Variants in DMD observed in about 807,000 individuals in gnomAD.
DMD encodes the protein dystrophin, also known as mutant dystrophin.
In DMD, 63 loss-of-function variants were observed where a neutral mutation model predicts 330.1. The ratio of observed to expected loss-of-function variants is 0.19; its 90% CI spans 0.16 to 0.24. The LOEUF (loss-of-function observed/expected upper bound fraction) is 0.24. DMD is among the 10% of genes least tolerant of loss of function. The pLI is 1.00. For missense variants in DMD, 3,344 were observed against 2,684.1 expected (o/e 1.25, Z -5.43); for synonymous variants, 1,223 against 959.8 (o/e 1.27, Z -5.07).
chrX:32,315,793 A>G (rs181976151), intron 41 of DMD, among the ~76,000 whole-genome samples: 2 of 111,256 alleles, frequency 1.8e-5, no homozygotes, highest in African/African-American at 6.5e-5. Flanking sequence ...ACTAAAAACC[A>G]TTTTCACCTA....
intron 47 of DMD, among the ~76,000 whole-genome samples, chrX:31,913,235 G>C (rs192271949): frequency 8.6e-4 from 96 of 111,951 alleles, no homozygotes; most frequent in African/African-American, 3.0e-3. Context: ...AGAGTGGTTT[G>C]TTGCATAGCA....
intron 30 of DMD, among the ~76,000 whole-genome samples, chrX:32,402,846 G>A (rs1031847405): frequency 7.2e-5 from 8 of 111,456 alleles, no homozygotes; most frequent in East Asian, 2.8e-4. Flanking sequence ...TATGGTAAAC[G>A]TAAGTGGCCA....
chrX:31,516,319 CAA>C (rs1198208627), intron 55 of DMD, among the ~76,000 whole-genome samples: 1 of 93,790 alleles, frequency 1.1e-5, no homozygotes, highest in Non-Finnish European at 2.1e-5. Context: ...TCTTTCCTAA[CAA>C]GTTTTTCGAG....
chrX:32,422,347 G>A (rs766999388), intron 29 of DMD, among the ~76,000 whole-genome samples: 50 of 111,759 alleles, frequency 4.5e-4, no homozygotes, highest in Non-Finnish European at 7.5e-4. Flanking sequence ...GGAGTCAAAA[G>A]TGGGTATGTG....
At chrX:32,670,322 T>C (rs1274733957) in intron 9 of DMD, among the ~76,000 whole-genome samples, 1 of 111,964 alleles carries the variant, frequency 8.9e-6, no homozygotes, top group African/African-American at 3.2e-5. Context: ...GACCTTCACA[T>C]ATGACACTAT....
chrX:32,709,253 A>C (rs1179654680), intron 7 of DMD, among the ~76,000 whole-genome samples: 1 of 111,769 alleles, frequency 8.9e-6, no homozygotes, highest in Non-Finnish European at 1.9e-5. Context: ...AGATAATCAA[A>C]TGTGAAGCAT....
intron 44 of DMD, among the ~76,000 whole-genome samples, chrX:32,039,833 A>G (rs2095984870): frequency 9.0e-6 from 1 of 111,394 alleles, no homozygotes; most frequent in Non-Finnish European, 1.9e-5. Context: ...GTTAACCATG[A>G]TTCTACTCTA....
chrX:32,188,001 A>G (rs967933402), intron 44 of DMD, among the ~76,000 whole-genome samples: 1 of 111,291 alleles, frequency 9.0e-6, no homozygotes, highest in African/African-American at 3.2e-5. Context: ...TGGTAATGAT[A>G]TAGAATTTTT....
chrX:31,831,764 A>T (rs1454391363), intron 49 of DMD, among the ~76,000 whole-genome samples: 5 of 110,513 alleles, frequency 4.5e-5, no homozygotes, highest in Non-Finnish European at 5.7e-5. Flanking sequence ...AAGCCCGGCT[A>T]ATTTTGTTTT....
chrX:32,721,322 C>T (rs1224160038), intron 7 of DMD, among the ~76,000 whole-genome samples: 1 of 110,502 alleles, frequency 9.0e-6, no homozygotes, highest in Admixed American at 9.7e-5. Context: ...TACACCGACA[C>T]CAGCAGTATG....
intron 55 of DMD, among the ~76,000 whole-genome samples, chrX:31,627,413 T>C (rs1415270943): frequency 1.8e-5 from 2 of 112,413 alleles, no homozygotes; most frequent in Non-Finnish European, 3.7e-5. Flanking sequence ...AGTTTCTCCT[T>C]GACCGAAGCT....
chrX:33,285,609 C>G (rs1286356252), intron 1 of DMD, among the ~76,000 whole-genome samples: 1 of 111,911 alleles, frequency 8.9e-6, no homozygotes, highest in Non-Finnish European at 1.9e-5. Flanking sequence ...CTATCACCCT[C>G]CAGTCAAACA....
At chrX:32,696,407 T>C (rs1212861561) in intron 9 of DMD, among the ~76,000 whole-genome samples, 1 of 112,456 alleles carries the variant, frequency 8.9e-6, no homozygotes, top group Admixed American at 9.5e-5. Context: ...CTTTTTTAAA[T>C]GATAAACATT....
Position 32,651,551 on chromosome X carries a change from C to T in DMD, c.961-6399G>A, listed in dbSNP as rs185562962. ...AAAATACCTCGTCTTCATTACGTTG[C>T]TGAGTAGGAAATCAAATGTCAAGTC... On this transcript the variant is annotated intron_variant, in intron 9 of 78. Coordinates refer to ENST00000357033, the MANE Select transcript of DMD (RefSeq NM_004006.3). Among the ~76,000 whole-genome samples, 76 of 111,830 alleles carry T rather than the reference C, an allele frequency of 6.8e-4. 1 individual carries two copies. The highest frequency in any genetic ancestry group is 2.2e-3 in the African/African-American group (67 of 30,717).
chrX:31,807,097 G>A (rs1419653258), intron 50 of DMD, among the ~76,000 whole-genome samples: 2 of 111,376 alleles, frequency 1.8e-5, no homozygotes, highest in African/African-American at 3.3e-5. Context: ...CAGAAGAGGT[G>A]ATGAACTCTA....
intron 7 of DMD, among the ~76,000 whole-genome samples, chrX:32,743,627 C>T (rs1263618480): frequency 9.1e-6 from 1 of 110,338 alleles, no homozygotes; most frequent in Non-Finnish European, 1.9e-5. Flanking sequence ...GAAAAGTGAC[C>T]GTGGAAGGAA....
intron 1 of DMD, among the ~76,000 whole-genome samples, chrX:33,121,243 T>A (rs1339023181): frequency 9.2e-6 from 1 of 108,929 alleles, no homozygotes; most frequent in African/African-American, 3.4e-5. Context: ...TTTTTTTTTT[T>A]TTATTGAGAC....
At chrX:31,900,716 A>C (rs2094411372) in intron 47 of DMD, among the ~76,000 whole-genome samples, 1 of 111,199 alleles carries the variant, frequency 9.0e-6, no homozygotes, top group Admixed American at 9.6e-5. Flanking sequence ...AGAAAGGAAA[A>C]TGTGGGACAG....
intron 1 of DMD, among the ~76,000 whole-genome samples, chrX:33,106,379 AC>A (rs1425413841): frequency 9.0e-6 from 1 of 111,113 alleles, no homozygotes; most frequent in Non-Finnish European, 1.9e-5. Context: ...TCACCATTAT[AC>A]AATTCATACA....
Sources: allele counts gnomAD v4.1 joint callset (sites outside exome capture counted in the v4.1 genomes callset), GRCh38; gene constraint gnomAD v4.1.1; transcripts MANE v1.5; gene names NCBI Gene and HGNC (gene_info 2026-07-23, HGNC 2026-07-21).